The following MAPRE2 variants were observed in gnomAD, a reference collection of about 807,000 sequenced individuals.
The protein encoded by MAPRE2 is microtubule associated protein RP/EB family member 2, also known as microtubule-associated protein RP/EB family member 2.
MAPRE2 carries 13 observed loss-of-function variants against 43.2 expected under a neutral mutation model. The observed-to-expected ratio is 0.30, with a 90% CI of 0.20 to 0.48. MAPRE2 has a LOEUF of 0.48. Ranked by LOEUF, MAPRE2 falls within the 20% of genes least tolerant of loss-of-function variation. The pLI is 0.99. For missense variants in MAPRE2, 161 were observed against 400.2 expected (o/e 0.40, Z 5.10); for synonymous variants, 135 against 148.8 (o/e 0.91, Z 0.68).
chr18:35,131,624 C>T (rs1910150525), intron 5 of MAPRE2, among the ~76,000 whole-genome samples: 1 of 152,220 alleles, frequency 6.6e-6, no homozygotes, highest in South Asian at 2.1e-4. Flanking sequence ...CACCTCCTAA[C>T]ACCATCACCT....
intron 1 of MAPRE2, among the ~76,000 whole-genome samples, chr18:34,993,349 T>G (rs1374707296): frequency 2.0e-5 from 3 of 151,514 alleles, no homozygotes; most frequent in Non-Finnish European, 1.5e-5. Flanking sequence ...GGGATTTTCC[T>G]GCCTCTGCCT....
intron 2 of MAPRE2, among the ~76,000 whole-genome samples, chr18:35,008,454 T>G: frequency 6.6e-6 from 1 of 152,194 alleles, no homozygotes; most frequent in Admixed American, 6.5e-5. Context: ...GCATATTTGG[T>G]CTTCTCACGG....
intron 2 of MAPRE2, among the ~76,000 whole-genome samples, chr18:35,080,422 A>G (rs1450372295): frequency 2.6e-5 from 4 of 152,198 alleles, no homozygotes; most frequent in Non-Finnish European, 5.9e-5. Context: ...CCTTTTTCTC[A>G]GCTTACCTGA....
chr18:35,054,254 C>T (rs375328194), intron 1 of MAPRE2, among the ~76,000 whole-genome samples: 31 of 152,280 alleles, frequency 2.0e-4, no homozygotes, highest in African/African-American at 6.7e-4. Context: ...TGAGGGACCT[C>T]GTTTTGGAGA....
intron 2 of MAPRE2, among the ~76,000 whole-genome samples, chr18:35,091,066 C>T (rs1038561661): frequency 6.6e-5 from 10 of 152,032 alleles, no homozygotes; most frequent in African/African-American, 2.4e-4. Flanking sequence ...TTGAAGAGGA[C>T]ATAAATAAAT....
At position 35,042,390 on chromosome 18, in the gene MAPRE2, G is replaced by A. The variant is rs535532071; in HGVS notation, c.122+729G>A. ...GTAGGAAGGTGATTCCTGGTCTTTT[G>A]CTGAGGTCTGTTTTGAGGATGGGAC... On this transcript the variant is annotated intron_variant, in intron 1 of 6. Coordinates refer to ENST00000300249, the MANE Select transcript of MAPRE2 (RefSeq NM_014268.4). 5.3e-5 allele frequency among the ~76,000 whole-genome samples: 8 copies of A among 152,264 alleles called. 1 individual carries two copies. In the South Asian group the frequency reaches 1.7e-3, roughly 32 times the overall value.
intron 1 of MAPRE2, among the ~76,000 whole-genome samples, chr18:35,001,711 G>C (rs2097029455): frequency 6.6e-6 from 1 of 152,094 alleles, no homozygotes. Context: ...TAAGTTAGTG[G>C]GTGAGTTTTT....
At chr18:35,060,891 A>G (rs1294945572) in intron 1 of MAPRE2, among the ~76,000 whole-genome samples, 2 of 152,312 alleles carry the variant, frequency 1.3e-5, no homozygotes, top group East Asian at 3.9e-4. Context: ...AGGCGGTTGG[A>G]GACACCTGTG....
Position 34,985,893 on chromosome 18 carries a change from T to C in MAPRE2, c.-70+8814T>C, listed in dbSNP as rs185743130. ...GCCTATTCTATACATGTAGCACTAA[T>C]AGTTCTCTCCAAATTAATTTCTAAA... On this transcript the variant is annotated intron_variant, in intron 1 of 7. Transcript: ENST00000413393. Among the ~76,000 whole-genome samples the C allele has an allele frequency of 4.5e-3, 684 of 151,300 alleles. 3 individuals carry two copies. The highest frequency in any genetic ancestry group is 0.015 in the African/African-American group (600 of 41,236).
chr18:35,047,844 G>A (rs1440961429), intron 1 of MAPRE2, among the ~76,000 whole-genome samples: 2 of 152,098 alleles, frequency 1.3e-5, no homozygotes, highest in Non-Finnish European at 2.9e-5. Flanking sequence ...AGAAGTTTGT[G>A]ATAAATACAT....
At position 35,047,028 on chromosome 18, in the gene MAPRE2, T is replaced by G. The variant is rs7238362; in HGVS notation, c.122+5367T>G. ...CATTTAATGATGTAAAAAGTTCCGATGTGGCTGATGAAACTGCTCAGGACA... is the reference window on the plus strand; with the variant it reads ...CATTTAATGATGTAAAAAGTTCCGAGGTGGCTGATGAAACTGCTCAGGACA... On this transcript the variant is annotated intron_variant, in intron 1 of 6. Transcript: ENST00000300249. Among the ~76,000 whole-genome samples, 363 of 152,284 alleles carry G rather than the reference T, an allele frequency of 2.4e-3. 3 individuals carry two copies. Among genetic ancestry groups the G allele is most frequent in the African/African-American group, 8.5e-3 (353 of 41,558 alleles).
chr18:35,087,361 A>G lies in MAPRE2; in HGVS notation c.251-10085A>G, dbSNP rs1222881457. Among the ~76,000 whole-genome samples the G allele has an allele frequency of 2.0e-5, 3 of 152,160 alleles. No individual in the cohort carries two copies. In the East Asian group the frequency reaches 5.8e-4, roughly 29 times the overall value. ...CTCAGAGTATATCCCATCATAATTA[A>G]CCTCTTAGTAGGCACAGCATCCTAC... On this transcript the variant is annotated intron_variant, in intron 2 of 6. Transcript: ENST00000300249.
At chr18:35,133,036 C>A (rs1264291024) in intron 6 of MAPRE2, among the ~76,000 whole-genome samples, 2 of 152,084 alleles carry the variant, frequency 1.3e-5, no homozygotes, top group East Asian at 3.9e-4. Context: ...TGGAAGTGTC[C>A]CGGTCTCTGG....
chr18:34,989,531 G>A (rs950015812), intron 1 of MAPRE2, among the ~76,000 whole-genome samples: 2 of 152,108 alleles, frequency 1.3e-5, no homozygotes, highest in Admixed American at 1.3e-4. Context: ...GCAACATAGT[G>A]AGACCCTATG....
At chr18:34,993,200 G>A (rs2097024651) in intron 1 of MAPRE2, among the ~76,000 whole-genome samples, 1 of 151,394 alleles carries the variant, frequency 6.6e-6, no homozygotes, top group Non-Finnish European at 1.5e-5. Flanking sequence ...AAACTCCCGG[G>A]CTCAAGTGAC....
chr18:35,070,279 C>T lies in MAPRE2; in HGVS notation c.207C>T (p.Asp69=), dbSNP rs1336337310. 7 of 1,610,620 alleles carry T rather than the reference C, an allele frequency of 4.3e-6. No individual in the cohort carries two copies. The highest frequency in any genetic ancestry group is 1.7e-5 in the Admixed American group (1 of 59,698). ...SRHDIIAWVN[D]IVSLNYTKVE... is the part of the protein sequence containing the mutation. The stretch of plus-strand genomic sequence containing the variant: ...ATGACATCATTGCATGGGTTAATGA[C>T]ATAGTATCTTTAAACTACACAAAAG... The change falls in exon 2 of 7, where the codon GAC becomes GAT. Residue 69 remains aspartate (D), a synonymous_variant. Coordinates refer to ENST00000300249, the MANE Select transcript of MAPRE2 (RefSeq NM_014268.4).
At chr18:34,994,043 A>C (rs1037047392) in intron 1 of MAPRE2, among the ~76,000 whole-genome samples, 1 of 144,160 alleles carries the variant, frequency 6.9e-6, no homozygotes, top group African/African-American at 2.6e-5. Context: ...GCAAAGTTTT[A>C]AATGTTTATA....
Position 35,110,355 on chromosome 18 carries a change from C to CAT in MAPRE2, c.610+8201_610+8202dup, listed in dbSNP as rs531266628. ...TTGACTACATGTAGAAATTATATTT[C>CAT]ATATATGTTGTATATGTTTTGCGTA... On this transcript the variant is annotated intron_variant, in intron 4 of 6. Coordinates refer to ENST00000300249, the MANE Select transcript of MAPRE2 (RefSeq NM_014268.4). 2.0e-3 allele frequency among the ~76,000 whole-genome samples: 301 copies of CAT among 152,148 alleles called. 1 individual carries two copies. The highest frequency in any genetic ancestry group is 2.3e-3 in the Non-Finnish European group (155 of 67,958).
At chr18:35,034,953 G>A (rs2097049724) in intron 2 of MAPRE2, among the ~76,000 whole-genome samples, 2 of 152,010 alleles carry the variant, frequency 1.3e-5, no homozygotes, top group Non-Finnish European at 2.9e-5. Context: ...AGTCAGTGTG[G>A]TGATTCCTCA....
Sources: allele counts gnomAD v4.1 joint callset (sites outside exome capture counted in the v4.1 genomes callset), GRCh38; gene constraint gnomAD v4.1.1; transcripts MANE v1.5; gene names NCBI Gene and HGNC (gene_info 2026-07-23, HGNC 2026-07-21).